The following SIPA1L2 variants were observed in gnomAD, a reference collection of about 807,000 sequenced individuals.
SIPA1L2 encodes the protein signal induced proliferation associated 1 like 2, also known as signal-induced proliferation-associated 1-like protein 2.
In SIPA1L2, 56 loss-of-function variants were observed where a neutral mutation model predicts 163.9. The observed-to-expected ratio is 0.34, with a 90% CI of 0.28 to 0.43. SIPA1L2 has a LOEUF of 0.43. Among genes scored for constraint, SIPA1L2 ranks in the 20% least tolerant of loss-of-function variants. The pLI is 1.00. For synonymous variants in SIPA1L2, 877 were observed against 865.7 expected (o/e 1.01, Z -0.23); for missense variants, 1,974 against 2,193.5 (o/e 0.90, Z 2.00).
intron 20 of SIPA1L2, 78 bp downstream of exon 20, chr1:232,404,047 T>C (rs1235889719): frequency 1.3e-6 from 2 of 1,521,748 alleles, no homozygotes; most frequent in African/African-American, 1.4e-5. Flanking sequence ...TGAATAACCA[T>C]GCAGACGTGC....
intron 16 of SIPA1L2, among the ~76,000 whole-genome samples, chr1:232,429,070 A>C (rs959867093): frequency 6.6e-6 from 1 of 152,180 alleles, no homozygotes; most frequent in Non-Finnish European, 1.5e-5. Context: ...AATTTCACAA[A>C]GCTGTTTGGA....
chr1:232,605,976 A>G (rs1661896661), intron 1 of SIPA1L2, among the ~76,000 whole-genome samples: 1 of 152,062 alleles, frequency 6.6e-6, no homozygotes, highest in Non-Finnish European at 1.5e-5. Flanking sequence ...TATTCATATC[A>G]GTGTCTCAGA....
At chr1:232,439,980 C>T (rs764780776) in intron 14 of SIPA1L2, among the ~76,000 whole-genome samples, 5 of 152,140 alleles carry the variant, frequency 3.3e-5, no homozygotes, top group Admixed American at 6.5e-5. Context: ...CTTGTAATAC[C>T]GAGCTTACAT....
intron 19 of SIPA1L2, among the ~76,000 whole-genome samples, chr1:232,409,724 C>G (rs938800695): frequency 6.6e-6 from 1 of 152,078 alleles, no homozygotes; most frequent in Admixed American, 6.6e-5. Flanking sequence ...CCTTAATGCT[C>G]CAGATCCAGC....
At chr1:232,490,038 T>C (rs1332461534) in intron 5 of SIPA1L2, among the ~76,000 whole-genome samples, 3 of 152,178 alleles carry the variant, frequency 2.0e-5, no homozygotes, top group Non-Finnish European at 4.4e-5. Context: ...ATAATCTTCC[T>C]AAAATACAGC....
chr1:232,557,054 A>G (rs1658753650), intron 2 of SIPA1L2, among the ~76,000 whole-genome samples: 1 of 152,216 alleles, frequency 6.6e-6, no homozygotes, highest in African/African-American at 2.4e-5. Flanking sequence ...AAGAGGATTA[A>G]CAAAAACTCA....
chr1:232,592,940 T>G (rs560346427), intron 1 of SIPA1L2, among the ~76,000 whole-genome samples: 1 of 152,188 alleles, frequency 6.6e-6, no homozygotes, highest in Non-Finnish European at 1.5e-5. Context: ...ATCAGTTCCC[T>G]GTAATTCCTG....
At chr1:232,484,639 T>C (rs1368854868) in intron 5 of SIPA1L2, among the ~76,000 whole-genome samples, 2 of 152,194 alleles carry the variant, frequency 1.3e-5, no homozygotes, top group African/African-American at 4.8e-5. Context: ...CCAATAGCAA[T>C]TGAGGAGCTC....
chr1:232,490,764 A>G, intron 5 of SIPA1L2, 110 bp downstream of exon 5: 1 of 1,135,040 alleles, frequency 8.8e-7, no homozygotes, highest in Non-Finnish European at 1.3e-6. Flanking sequence ...AAAATGTTCT[A>G]AGGCATTTAA....
Position 232,432,451 on chromosome 1 carries a change from C to T in SIPA1L2, c.4052G>A (p.Ser1351Asn). Reference protein sequence around the residue: ...SHSSGSHHSGSPSAHCSKSSG... With the variant: ...SHSSGSHHSGNPSAHCSKSSG... Reference sequence around the variant, plus strand: ...ACTTTTTGAACAGTGAGCTGAAGGGCTTCCTGAATGGTGAGAACCACTGAG... The same window carrying T: ...ACTTTTTGAACAGTGAGCTGAAGGGTTTCCTGAATGGTGAGAACCACTGAG... The change falls in exon 16 of 23, where the codon AGC becomes AAC. Residue 1351 changes from serine to asparagine, a missense_variant. Ser to Asn is a conservative substitution (Grantham distance 46). Transcript: ENST00000674635. 6.2e-7 allele frequency: 1 copy of T among 1,614,220 alleles called. No individual in the cohort carries two copies. The highest frequency in any genetic ancestry group is 8.5e-7 in the Non-Finnish European group (1 of 1,180,044).
chr1:232,421,359 C>T (rs941632755), intron 18 of SIPA1L2, among the ~76,000 whole-genome samples: 2 of 152,174 alleles, frequency 1.3e-5, no homozygotes, highest in African/African-American at 2.4e-5. Flanking sequence ...CGTCTGTTTA[C>T]CCAAAACCTG....
At chr1:232,579,474 A>G (rs996127412) in intron 1 of SIPA1L2, among the ~76,000 whole-genome samples, 2 of 152,204 alleles carry the variant, frequency 1.3e-5, no homozygotes, top group South Asian at 2.1e-4. Context: ...CTCCCAGTAC[A>G]TATTTTCCAA....
chr1:232,454,225 G>A (rs1473835656), intron 10 of SIPA1L2, among the ~76,000 whole-genome samples: 1 of 152,078 alleles, frequency 6.6e-6, no homozygotes, highest in Non-Finnish European at 1.5e-5. Flanking sequence ...ACCCAGAATA[G>A]GTAGAAAAAA....
At chr1:232,619,558 A>G (rs952553315) in intron 1 of SIPA1L2, among the ~76,000 whole-genome samples, 1 of 152,230 alleles carries the variant, frequency 6.6e-6, no homozygotes, top group African/African-American at 2.4e-5. Flanking sequence ...AAGAACACTC[A>G]AAGTCCCTCC....
At chr1:232,617,392 G>T (rs1022372402) in intron 1 of SIPA1L2, among the ~76,000 whole-genome samples, 1 of 152,232 alleles carries the variant, frequency 6.6e-6, no homozygotes, top group African/African-American at 2.4e-5. Flanking sequence ...AGATGTGACT[G>T]AAGATAAATA....
At chr1:232,610,565 T>G (rs1662184628) in intron 1 of SIPA1L2, among the ~76,000 whole-genome samples, 2 of 152,232 alleles carry the variant, frequency 1.3e-5, no homozygotes, top group African/African-American at 4.8e-5. Flanking sequence ...AAAATATTTG[T>G]ATGTTCGTCA....
chr1:232,419,574 T>C (rs1661447632), intron 18 of SIPA1L2, among the ~76,000 whole-genome samples: 1 of 152,038 alleles, frequency 6.6e-6, no homozygotes, highest in South Asian at 2.1e-4. Flanking sequence ...TCTGGTTGAG[T>C]GTGGCATCTC....
intron 2 of SIPA1L2, among the ~76,000 whole-genome samples, chr1:232,521,973 T>C (rs1199562944): frequency 6.6e-6 from 1 of 152,092 alleles, no homozygotes; most frequent in Non-Finnish European, 1.5e-5. Flanking sequence ...CCCAAATCTG[T>C]TCCTCCTCTG....
At chr1:232,469,090 G>A (rs74144351) in intron 8 of SIPA1L2, among the ~76,000 whole-genome samples, 1,655 of 152,296 alleles carry the variant, frequency 0.011, 30 homozygotes, top group African/African-American at 0.037. Context: ...CAGGCTGCAC[G>A]ATTTTCATTA....
Sources: allele counts gnomAD v4.1 joint callset (sites outside exome capture counted in the v4.1 genomes callset), GRCh38; gene constraint gnomAD v4.1.1; transcripts MANE v1.5; gene names NCBI Gene and HGNC (gene_info 2026-07-23, HGNC 2026-07-21).